ZC3H3: variants seen among roughly 807,000 people sequenced by gnomAD.
The protein encoded by ZC3H3 is zinc finger CCCH-type containing 3.
In ZC3H3, 36 loss-of-function variants were observed where a neutral mutation model predicts 77.3. The observed-to-expected ratio is 0.47, with a 90% confidence interval of 0.36 to 0.61. ZC3H3 has a LOEUF of 0.61. Among genes scored for constraint, ZC3H3 ranks in the 20% least tolerant of loss-of-function variants. ZC3H3 has a pLI of 0.00. For synonymous variants in ZC3H3, 626 were observed against 555.2 expected, an observed-to-expected ratio of 1.13 and a Z score of -1.79; for missense variants, 1,331 against 1,312.2, an observed-to-expected ratio of 1.01 and a Z score of -0.22.
chr8:143,476,381 G>C (rs1282696463), intron 4 of ZC3H3, among the ~76,000 whole-genome samples: 1 of 152,178 alleles, frequency 6.6e-6, no homozygotes, highest in Admixed American at 6.5e-5. Flanking sequence ...ACCCTGGCTA[G>C]AGGAAGAGAC....
At chr8:143,447,679 T>C (rs1016055527) in intron 9 of ZC3H3, among the ~76,000 whole-genome samples, 3 of 152,054 alleles carry the variant, frequency 2.0e-5, no homozygotes, top group Non-Finnish European at 4.4e-5. Flanking sequence ...TCAGGAAGCT[T>C]CCAATCATGG....
chr8:143,474,798 T>C (rs401734), intron 5 of ZC3H3, among the ~76,000 whole-genome samples: 152,182 of 152,378 alleles, frequency 1, 75,993 homozygotes, highest in East Asian at 1. Context: ...GTAGGATAAG[T>C]GAATCCAAAG....
chr8:143,466,268 C>T (rs1428369123), intron 8 of ZC3H3, among the ~76,000 whole-genome samples: 3 of 152,142 alleles, frequency 2.0e-5, no homozygotes, highest in Admixed American at 6.5e-5. Context: ...GGACGAGCCA[C>T]GGGCCAGCAG....
intron 4 of ZC3H3, among the ~76,000 whole-genome samples, chr8:143,498,156 T>C (rs1450223439): frequency 6.6e-6 from 1 of 152,222 alleles, no homozygotes. Flanking sequence ...TACAGCCACC[T>C]GCCTGGGGGA....
chr8:143,514,876 T>C (rs73715645), intron 3 of ZC3H3, among the ~76,000 whole-genome samples: 4,249 of 152,188 alleles, frequency 0.028, 180 homozygotes, highest in African/African-American at 0.097. Flanking sequence ...GTTTCTTCTC[T>C]CTGCCCTCCT....
intron 9 of ZC3H3, among the ~76,000 whole-genome samples, chr8:143,454,331 T>C (rs1820060376): frequency 1.3e-5 from 2 of 151,852 alleles, no homozygotes; most frequent in Admixed American, 6.6e-5. Flanking sequence ...CCTCAGGTGA[T>C]CTGCCCACCT....
intron 4 of ZC3H3, among the ~76,000 whole-genome samples, chr8:143,480,386 C>A (rs1820875749): frequency 6.6e-6 from 1 of 152,262 alleles, no homozygotes; most frequent in Non-Finnish European, 1.5e-5. Context: ...GACACCCACA[C>A]TCTACCCACT....
At chr8:143,535,744 G>A (rs541711344) in intron 3 of ZC3H3, among the ~76,000 whole-genome samples, 249 of 152,346 alleles carry the variant, frequency 1.6e-3, no homozygotes, top group African/African-American at 5.2e-3. Flanking sequence ...TTCTCTCCAG[G>A]CGTGACTGGG....
At chr8:143,450,327 T>C (rs1158259805) in intron 9 of ZC3H3, among the ~76,000 whole-genome samples, 1 of 152,192 alleles carries the variant, frequency 6.6e-6, no homozygotes, top group Admixed American at 6.5e-5. Flanking sequence ...ATTACAGGCA[T>C]GTACCACTGT....
rs557571495 is a variant in ZC3H3, at chr8:143,496,258, C to A, written c.1715+11488G>T. ...TGACTCAAGAGGGCAGCAGCGTGTG[C>A]CCCCAGGCCAAGACCTTAGCACCAC... is the stretch of plus-strand genomic sequence containing the variant. On this transcript the variant is annotated intron_variant, in intron 4 of 11. Transcript: ENST00000262577. Among the ~76,000 whole-genome samples the A allele has an allele frequency of 2.0e-4, 31 of 152,314 alleles. No homozygotes were observed. In the South Asian group the frequency reaches 6.4e-3, roughly 32 times the overall value.
At chr8:143,473,117 C>T (rs1049985512) in intron 5 of ZC3H3, among the ~76,000 whole-genome samples, 32 of 152,206 alleles carry the variant, frequency 2.1e-4, no homozygotes, top group African/African-American at 7.7e-4. Flanking sequence ...TAATTATCAA[C>T]CTCAGTCAGT....
At chr8:143,481,679 G>A (rs533103057) in intron 4 of ZC3H3, among the ~76,000 whole-genome samples, 3 of 152,230 alleles carry the variant, frequency 2.0e-5, no homozygotes, top group African/African-American at 4.8e-5. Context: ...CAGGACCCTC[G>A]TGTTGTCGCT....
intron 9 of ZC3H3, among the ~76,000 whole-genome samples, chr8:143,464,715 G>A (rs561957342): frequency 1.3e-5 from 2 of 152,268 alleles, no homozygotes; most frequent in Admixed American, 6.5e-5. Context: ...CTGAGGCAGC[G>A]CCAACACAAG....
At chr8:143,467,510 G>A (rs1486677098) in intron 8 of ZC3H3, among the ~76,000 whole-genome samples, 1 of 152,194 alleles carries the variant, frequency 6.6e-6, no homozygotes, top group Non-Finnish European at 1.5e-5. Flanking sequence ...AGTTCCTCAA[G>A]GGGAAAAGCT....
intron 5 of ZC3H3, among the ~76,000 whole-genome samples, chr8:143,473,848 T>G (rs1005778758): frequency 5.9e-5 from 9 of 152,178 alleles, no homozygotes; most frequent in African/African-American, 2.2e-4. Flanking sequence ...GCCTGGGACC[T>G]GCTGTGCCAG....
Position 143,539,138 on chromosome 8 carries a change from C to T in ZC3H3, c.229G>A (p.Val77Met), listed in dbSNP as rs750636203. Reference sequence around the variant, plus strand: ...TCTGAGGGTCCCGGGGGCCGATTCACGAGGGAGTATTTCTTGCGCCACGAA... The same window carrying T: ...TCTGAGGGTCCCGGGGGCCGATTCATGAGGGAGTATTTCTTGCGCCACGAA... ...GPSWRKKYSLVNRPPGPSDPP... is the reference protein window; with the variant it reads ...GPSWRKKYSLMNRPPGPSDPP... The change falls in exon 2 of 12, where the codon GTG becomes ATG. Residue 77 changes from valine to methionine, a missense_variant. By Grantham distance (21) the Val-to-Met change is conservative (BLOSUM62 1). Transcript: ENST00000262577. 25 of 1,612,958 alleles carry T rather than the reference C, an allele frequency of 1.5e-5. No homozygotes were observed. The highest frequency in any genetic ancestry group is 6.7e-5 in the East Asian group (3 of 44,874).
chr8:143,502,277 G>A lies in ZC3H3; in HGVS notation c.1715+5469C>T, dbSNP rs189403674. Among the ~76,000 whole-genome samples, 100 of 152,380 alleles carry A rather than the reference G, an allele frequency of 6.6e-4. No individual in the cohort carries two copies. The East Asian group carries it at 6.9e-3, about 11-fold the overall frequency. ...GAAGACAGTGCCCAAACCAGAAGAC[G>A]GGCAGGAGGTGGGGCAGGGTGGCTG... On this transcript the variant is annotated intron_variant, in intron 4 of 11. Transcript: ENST00000262577.
intron 1 of ZC3H3, among the ~76,000 whole-genome samples, chr8:143,541,030 T>C (rs1268347293): frequency 6.6e-6 from 1 of 152,092 alleles, no homozygotes; most frequent in Non-Finnish European, 1.5e-5. Flanking sequence ...CATGAACTAG[T>C]CCCAGCCCCG....
chr8:143,540,298 A>G (rs998670125), intron 1 of ZC3H3, among the ~76,000 whole-genome samples: 1 of 148,334 alleles, frequency 6.7e-6, no homozygotes, highest in African/African-American at 2.5e-5. Context: ...CAGTGGCCCA[A>G]TCACGGCTCA....
Sources: gnomAD v4.1 joint callset for allele counts (sites outside exome capture counted in the v4.1 genomes callset) on GRCh38, gnomAD v4.1.1 for gene constraint, MANE v1.5 for transcripts, NCBI Gene and HGNC (gene_info 2026-07-23, HGNC 2026-07-21) for gene names.